RNF220: variants seen among roughly 807,000 people sequenced by gnomAD.
The protein encoded by RNF220 is ring finger protein 220, also known as E3 ubiquitin-protein ligase RNF220.
RNF220 carries 7 observed loss-of-function variants against 67.1 expected under a neutral mutation model. That is an observed-to-expected ratio of 0.10 (90% confidence interval 0.06 to 0.20). The LOEUF (loss-of-function observed/expected upper bound fraction) is 0.20, where lower values mean the gene tolerates loss of function less well. Among genes scored for constraint, RNF220 ranks in the 10% least tolerant of loss-of-function variants. RNF220 has a pLI of 1.00. For synonymous variants in RNF220, 270 were observed against 283.2 expected (o/e 0.95, Z 0.47); for missense variants, 565 against 740.3 (o/e 0.76, Z 2.75).
intron 2 of RNF220, among the ~76,000 whole-genome samples, chr1:44,500,123 T>C (rs1165627269): frequency 1.3e-5 from 2 of 152,224 alleles, no homozygotes; most frequent in Non-Finnish European, 2.9e-5. Context: ...AATCAAATTC[T>C]GTGACTCCTC....
At chr1:44,603,671 C>T (rs576228516) in intron 2 of RNF220, among the ~76,000 whole-genome samples, 4 of 152,228 alleles carry the variant, frequency 2.6e-5, no homozygotes, top group East Asian at 3.9e-4. Flanking sequence ...CTTAGCAGCA[C>T]GTGGCTGGCT....
chr1:44,548,337 A>G (rs1662343162), intron 2 of RNF220, among the ~76,000 whole-genome samples: 1 of 151,712 alleles, frequency 6.6e-6, no homozygotes, highest in East Asian at 1.9e-4. Context: ...TGTCTAAAAC[A>G]CTCCAACAGC....
At chr1:44,555,363 C>T (rs1323988682) in intron 2 of RNF220, among the ~76,000 whole-genome samples, 1 of 150,992 alleles carries the variant, frequency 6.6e-6, no homozygotes, top group South Asian at 2.1e-4. Flanking sequence ...CCACTCCACC[C>T]GGCTTTCAAC....
chr1:44,644,971 C>T (rs974030507), intron 9 of RNF220, 24 bp from the exon 10 acceptor site: 2 of 1,612,410 alleles, frequency 1.2e-6, no homozygotes, highest in East Asian at 2.2e-5. Flanking sequence ...AACTAGGATC[C>T]ATTGTCCTTG....
chr1:44,471,978 T>A (rs187504650), intron 2 of RNF220, among the ~76,000 whole-genome samples: 10 of 152,342 alleles, frequency 6.6e-5, no homozygotes, highest in Non-Finnish European at 1.2e-4. Flanking sequence ...ACCTGTGGCC[T>A]TTTGTGTCTA....
rs270750 is a variant in RNF220, at chr1:44,535,639, A to G, written c.626-78526A>G. Among the ~76,000 whole-genome samples the G allele has an allele frequency of 8.6e-3, 1,304 of 152,296 alleles. 18 individuals carry two copies. Among genetic ancestry groups the G allele is most frequent in the African/African-American group, 0.03 (1,226 of 41,556 alleles). ...ATGTTAGTCTTTGAAGTTAATGTGT[A>G]TTTCCTAATACCCACATCAGTCCTT... is the stretch of plus-strand genomic sequence containing the variant. On this transcript the variant is annotated intron_variant, in intron 2 of 14. Transcript: ENST00000361799.
At chr1:44,470,925 G>T (rs531374623) in intron 2 of RNF220, among the ~76,000 whole-genome samples, 2 of 151,960 alleles carry the variant, frequency 1.3e-5, no homozygotes, top group Admixed American at 1.3e-4. Flanking sequence ...GACCTTCTCC[G>T]CTTCTTTATC....
intron 2 of RNF220, among the ~76,000 whole-genome samples, chr1:44,429,922 T>C (rs1007126104): frequency 1.3e-5 from 2 of 152,228 alleles, no homozygotes; most frequent in African/African-American, 4.8e-5. Flanking sequence ...TTTATAATGT[T>C]GTTTGTAATG....
At chr1:44,405,937 G>A (rs985127500) in intron 1 of RNF220, among the ~76,000 whole-genome samples, 1 of 152,206 alleles carries the variant, frequency 6.6e-6, no homozygotes, top group Non-Finnish European at 1.5e-5. Flanking sequence ...CTTTGTTCGG[G>A]TCGATATCGA....
chr1:44,496,375 A>C (rs930561247), intron 2 of RNF220, among the ~76,000 whole-genome samples: 2 of 152,226 alleles, frequency 1.3e-5, no homozygotes, highest in African/African-American at 4.8e-5. Context: ...AGTGAATGAG[A>C]TATCTCTGGA....
chr1:44,612,036 T>G (rs1643332982), intron 2 of RNF220, among the ~76,000 whole-genome samples: 1 of 152,178 alleles, frequency 6.6e-6, no homozygotes, highest in Non-Finnish European at 1.5e-5. Flanking sequence ...CTCCCAGACC[T>G]GGGCCACATC....
At chr1:44,437,658 C>T (rs1296481743) in intron 2 of RNF220, among the ~76,000 whole-genome samples, 4 of 152,170 alleles carry the variant, frequency 2.6e-5, no homozygotes, top group East Asian at 1.9e-4. Flanking sequence ...GGTGACAAAT[C>T]GTCCTCTGGA....
At chr1:44,505,680 TG>T (rs2148105614) in intron 2 of RNF220, among the ~76,000 whole-genome samples, 1 of 152,324 alleles carries the variant, frequency 6.6e-6, no homozygotes, top group African/African-American at 2.4e-5. Flanking sequence ...TGGCATAAAA[TG>T]TTGCGATAAT....
intron 2 of RNF220, among the ~76,000 whole-genome samples, chr1:44,512,559 C>T (rs1165459976): frequency 2.0e-5 from 3 of 152,122 alleles, no homozygotes; most frequent in Non-Finnish European, 4.4e-5. Context: ...CTAACTGACT[C>T]CACAGCCCCA....
At chr1:44,411,596 G>A (rs1364763394) in intron 1 of RNF220, among the ~76,000 whole-genome samples, 2 of 152,238 alleles carry the variant, frequency 1.3e-5, no homozygotes, top group Non-Finnish European at 2.9e-5. Flanking sequence ...GGCCTGCCAT[G>A]AGTGGTGGAT....
At chr1:44,631,809 T>C in intron 5 of RNF220, 2 of 690,772 alleles carry the variant, frequency 2.9e-6, no homozygotes, top group East Asian at 1.4e-4. Context: ...CCGCTAAAGA[T>C]TGGGTGGGTA....
intron 2 of RNF220, among the ~76,000 whole-genome samples, chr1:44,532,466 G>C (rs1660907921): frequency 6.6e-6 from 1 of 152,210 alleles, no homozygotes; most frequent in African/African-American, 2.4e-5. Context: ...GTGTATTTTG[G>C]CATCTTTTAT....
In RNF220 at chr1:44,474,317, G is replaced by A. The variant is rs146162670; in HGVS notation, c.625+61595G>A. On this transcript the variant is annotated intron_variant, in intron 2 of 14. Transcript: ENST00000361799. ...TTGAACCCGGCAGGCGGAGGTTGCA[G>A]TAAGCCGAGATCACGCCATTGCATT... Among the ~76,000 whole-genome samples, 437 of 151,622 alleles carry A rather than the reference G, an allele frequency of 2.9e-3. 3 individuals are homozygous for A. Among genetic ancestry groups the A allele is most frequent in the African/African-American group, 9.8e-3 (408 of 41,428 alleles).
chr1:44,412,975 T>C lies in RNF220; in HGVS notation c.625+253T>C, dbSNP rs576699384. 2.0e-5 allele frequency among the ~76,000 whole-genome samples: 3 copies of C among 152,130 alleles called. No individual in the cohort carries two copies. The highest frequency in any genetic ancestry group is 4.4e-5 in the Non-Finnish European group (3 of 68,026). Reference sequence around the variant, plus strand: ...CTTTCTCTCCGGACCCTAGTGGGCTTATTCTCTGAGGACTTGAGTGAAGAG... The same window carrying C: ...CTTTCTCTCCGGACCCTAGTGGGCTCATTCTCTGAGGACTTGAGTGAAGAG... On this transcript the variant is annotated intron_variant, in intron 2 of 14. Transcript: ENST00000361799. This position sits in a 1 kb window ranked among gnomAD's most constrained non-coding sequence, Gnocchi z 5.3.
Sources: allele counts gnomAD v4.1 joint callset (sites outside exome capture counted in the v4.1 genomes callset), GRCh38; gene constraint gnomAD v4.1.1; non-coding constraint Gnocchi (gnomAD v3.1); transcripts MANE v1.5; gene names NCBI Gene and HGNC (gene_info 2026-07-23, HGNC 2026-07-21).